PRELID2: variants seen among roughly 807,000 people sequenced by gnomAD.
PRELID2 encodes the protein PRELI domain-containing protein 2.
Under a neutral mutation model 28.4 loss-of-function variants are expected in PRELID2, and 25 were observed. The observed-to-expected ratio is 0.88, with a 90% CI of 0.64 to 1.23. The LOEUF (loss-of-function observed/expected upper bound fraction) is 1.23, where lower values mean the gene tolerates loss of function less well. Among genes scored for constraint, PRELID2 ranks in the 50% most tolerant of loss-of-function variants. The pLI, the probability that PRELID2 is intolerant of heterozygous loss-of-function variation, is 0.00. For synonymous variants in PRELID2, 76 were observed against 71.6 expected, an observed-to-expected ratio of 1.06 and a Z score of -0.31; for missense variants, 201 against 214.4, an observed-to-expected ratio of 0.94 and a Z score of 0.39.
chr5:145,591,632 G>A (rs1183697360), intron 1 of PRELID2, among the ~76,000 whole-genome samples: 2 of 152,074 alleles, frequency 1.3e-5, no homozygotes, highest in African/African-American at 4.8e-5. Context: ...AAAAGCTCTT[G>A]AGAATTTTTT....
At chr5:145,285,929 T>G in the PRELID2 span, among the ~76,000 whole-genome samples, 1 of 152,208 alleles carries the variant, frequency 6.6e-6, no homozygotes, top group East Asian at 1.9e-4. Context: ...ATTGCCCAGG[T>G]GCAAGAGGCT....
rs529967611 is a variant in PRELID2, at chr5:145,774,792, C to T, written c.475-9792G>A. On this transcript the variant is annotated intron_variant, in intron 5 of 6. Transcript: ENST00000683046. ...CTAGGATCCAGTTCCAGGGAAAGAA[C>T]TAATTAGCAAGCAAGCTAAGGCCTC... Among the ~76,000 whole-genome samples the T allele has an allele frequency of 1.1e-4, 17 of 152,320 alleles. No individual in the cohort carries two copies. In the East Asian group the frequency reaches 3.3e-3, roughly 29 times the overall value.
At chr5:145,264,900 G>A in the PRELID2 span, among the ~76,000 whole-genome samples, 2 of 148,156 alleles carry the variant, frequency 1.3e-5, no homozygotes, top group Admixed American at 1.4e-4. Flanking sequence ...TTCTAACCCA[G>A]GAGGCAGAGG....
the PRELID2 span, among the ~76,000 whole-genome samples, chr5:145,397,840 A>G: frequency 6.6e-6 from 1 of 152,202 alleles, no homozygotes; most frequent in South Asian, 2.1e-4. Flanking sequence ...TATGGGAGCC[A>G]AAGCAGCAAG....
intron 1 of PRELID2, among the ~76,000 whole-genome samples, chr5:145,599,089 C>A (rs544173528): frequency 1.3e-5 from 2 of 152,082 alleles, no homozygotes; most frequent in Non-Finnish European, 2.9e-5. Flanking sequence ...GAAAGAGCTG[C>A]GAAGGTGGTC....
intron 4 of PRELID2, among the ~76,000 whole-genome samples, chr5:145,800,098 G>T (rs1328076632): frequency 1.3e-5 from 2 of 152,006 alleles, no homozygotes; most frequent in Non-Finnish European, 2.9e-5. Context: ...ATGCATATGT[G>T]AGCACATGCA....
chr5:145,506,268 A>C (rs955192161), intron 1 of PRELID2, among the ~76,000 whole-genome samples: 4 of 152,034 alleles, frequency 2.6e-5, no homozygotes, highest in African/African-American at 9.7e-5. Context: ...GGACATTCCA[A>C]GTTTATTCCC....
chr5:145,487,152 T>G (rs1752225050), intron 1 of PRELID2, among the ~76,000 whole-genome samples: 2 of 145,000 alleles, frequency 1.4e-5, no homozygotes, highest in Non-Finnish European at 3.0e-5. Context: ...GATGATGAGT[T>G]AGTGGGTGCA....
At chr5:145,367,318 G>A in the PRELID2 span, among the ~76,000 whole-genome samples, 1 of 151,844 alleles carries the variant, frequency 6.6e-6, no homozygotes, top group Non-Finnish European at 1.5e-5. Flanking sequence ...CCAGTTTTCA[G>A]TTCACAGTAA....
At chr5:145,774,983 T>C (rs1758324336) in intron 5 of PRELID2, among the ~76,000 whole-genome samples, 1 of 152,174 alleles carries the variant, frequency 6.6e-6, no homozygotes, top group South Asian at 2.1e-4. Context: ...CTGACACCTA[T>C]AAACCCAGCA....
intron 1 of PRELID2, among the ~76,000 whole-genome samples, chr5:145,672,450 T>C (rs886313459): frequency 2.1e-5 from 3 of 144,812 alleles, no homozygotes; most frequent in African/African-American, 7.9e-5. Flanking sequence ...AGCTTTGACA[T>C]AAGGAATGGC....
At chr5:145,504,167 G>A (rs1334792598) in intron 1 of PRELID2, among the ~76,000 whole-genome samples, 1 of 152,156 alleles carries the variant, frequency 6.6e-6, no homozygotes, top group African/African-American at 2.4e-5. Flanking sequence ...AGCAGCACAT[G>A]ACCATGGAAC....
In PRELID2 at chr5:145,646,796, G is replaced by A. The variant is rs180700035; in HGVS notation, n.70+118135C>T. Among the ~76,000 whole-genome samples the A allele has an allele frequency of 1.4e-3, 206 of 152,308 alleles. 2 individuals are homozygous for A. The highest frequency in any genetic ancestry group is 4.9e-3 in the African/African-American group (202 of 41,564). On this transcript the variant is annotated intron_variant and non_coding_transcript_variant, in intron 1 of 2. Coordinates refer to the PRELID2 transcript ENST00000510259. ...GCCCCTCTGCCGCAGGTCTGCTGGA[G>A]TTTGCTGGAGGTCCACTCCAGACCC...
At chr5:145,640,462 C>G (rs1365694281) in intron 1 of PRELID2, among the ~76,000 whole-genome samples, 1 of 121,392 alleles carries the variant, frequency 8.2e-6, no homozygotes. Context: ...GGCGACAGAG[C>G]GAGACTCCGT....
chr5:145,777,227 G>A (rs1362467217), intron 5 of PRELID2, among the ~76,000 whole-genome samples: 1 of 152,278 alleles, frequency 6.6e-6, no homozygotes, highest in South Asian at 2.1e-4. Flanking sequence ...TAGAGACGGG[G>A]TCTCACACTC....
At chr5:145,594,936 T>C (rs994704742) in intron 1 of PRELID2, among the ~76,000 whole-genome samples, 4 of 151,922 alleles carry the variant, frequency 2.6e-5, no homozygotes, top group African/African-American at 7.2e-5. Flanking sequence ...AAGATCAGCC[T>C]GGCCAACATG....
chr5:145,406,205 A>G, the PRELID2 span, among the ~76,000 whole-genome samples: 1 of 152,158 alleles, frequency 6.6e-6, no homozygotes, highest in African/African-American at 2.4e-5. Context: ...AACTATATCA[A>G]TTGGCATCAT....
At chr5:145,371,932 T>A in the PRELID2 span, among the ~76,000 whole-genome samples, 1 of 151,670 alleles carries the variant, frequency 6.6e-6, no homozygotes, top group Non-Finnish European at 1.5e-5. Flanking sequence ...TTTGGAGAGT[T>A]TTTTGTGTCT....
chr5:145,743,634 G>A (rs144432118), intron 1 of PRELID2, among the ~76,000 whole-genome samples: 5 of 151,968 alleles, frequency 3.3e-5, no homozygotes, highest in Non-Finnish European at 5.9e-5. Flanking sequence ...GTGAGTGAGC[G>A]TGCTACCCAG....
Sources: gnomAD v4.1 joint callset for allele counts (sites outside exome capture counted in the v4.1 genomes callset) on GRCh38, gnomAD v4.1.1 for gene constraint, MANE v1.5 for transcripts, NCBI Gene and HGNC (gene_info 2026-07-23, HGNC 2026-07-21) for gene names.